MAN1A1: variants seen among roughly 807,000 people sequenced by gnomAD.
MAN1A1 encodes mannosidase alpha class 1A member 1, also known as mannosyl-oligosaccharide 1,2-alpha-mannosidase IA.
In MAN1A1, 29 loss-of-function variants were observed where a neutral mutation model predicts 70.8. The ratio of observed to expected loss-of-function variants is 0.41; its 90% CI spans 0.31 to 0.56. The LOEUF (loss-of-function observed/expected upper bound fraction) is 0.56. Among genes scored for constraint, MAN1A1 ranks in the 20% least tolerant of loss-of-function variants. The probability of loss-of-function intolerance (pLI) is 0.29; values close to 1 mark genes in which losing one functional copy is unlikely to be tolerated. For missense variants in MAN1A1, 747 were observed against 841.3 expected, an observed-to-expected ratio of 0.89 and a Z score of 1.39; for synonymous variants, 349 against 330.1, an observed-to-expected ratio of 1.06 and a Z score of -0.62.
chr6:119,269,439 GGAC>G (rs1775852973), intron 5 of MAN1A1: 2 of 170,438 alleles, frequency 1.2e-5, no homozygotes, highest in African/African-American at 4.8e-5. Context: ...GGGTGGTCAG[GGAC>G]GTCCTGGCCT....
Position 119,179,812 on chromosome 6 carries a change from T to G in MAN1A1, c.*7A>C. On this transcript the variant is annotated 3_prime_UTR_variant, in exon 13 of 13. Coordinates refer to ENST00000368468, the MANE Select transcript of MAN1A1 (RefSeq NM_005907.4). ...GAATGGAGCAGAATAAAATATAAAA[T>G]GTCTTTTTATTCCTCTCTGATTTCA... 1 of 1,609,384 alleles carries G rather than the reference T, an allele frequency of 6.2e-7. No homozygotes were observed. The highest frequency in any genetic ancestry group is 8.5e-7 in the Non-Finnish European group (1 of 1,175,996).
Position 119,260,976 on chromosome 6 carries a change from G to GCTTTTTTTTTTTTTTTTTTTTTTTTTTTT in MAN1A1, c.898-12623_898-12622insAAAAAAAAAAAAAAAAAAAAAAAAAAAAG, listed in dbSNP as rs1554209499. On this transcript the variant is annotated intron_variant, in intron 5 of 12. Coordinates refer to ENST00000368468, the MANE Select transcript of MAN1A1 (RefSeq NM_005907.4). ...TATCTAAATGTCTTGTTTTTTTATT[G>GCTTTTTTTTTTTTTTTTTTTTTTTTTTTT]TTTTTTTTTTTTTTTTTTTTGAGAT... Among the ~76,000 whole-genome samples the GCTTTTTTTTTTTTTTTTTTTTTTTTTTTT allele has an allele frequency of 6.8e-5, 8 of 116,942 alleles. 3 individuals are homozygous for GCTTTTTTTTTTTTTTTTTTTTTTTTTTTT. Among genetic ancestry groups the GCTTTTTTTTTTTTTTTTTTTTTTTTTTTT allele is most frequent in the African/African-American group, 1.3e-4 (4 of 29,830 alleles). The allele number at this position is 116,942 out of a possible 152,430, so 76.7% of individuals were successfully genotyped here.
At chr6:119,280,050 C>T (rs1215376470) in intron 5 of MAN1A1, among the ~76,000 whole-genome samples, 1 of 152,218 alleles carries the variant, frequency 6.6e-6, no homozygotes, top group African/African-American at 2.4e-5. Context: ...CCTCCTACTT[C>T]CCAGACCACG....
intron 5 of MAN1A1, among the ~76,000 whole-genome samples, chr6:119,264,597 T>C (rs1437192201): frequency 1.3e-5 from 2 of 152,168 alleles, no homozygotes; most frequent in Admixed American, 6.5e-5. Flanking sequence ...GGTTGTTGTT[T>C]AGGAGCTTAT....
At chr6:119,180,519 A>ATTTTTTTTTTT in intron 11 of MAN1A1, 92 bp from the exon 12 acceptor site, 1 of 570,724 alleles carries the variant, frequency 1.8e-6, no homozygotes, top group Non-Finnish European at 3.0e-6. Flanking sequence ...CAGATAAAAC[A>ATTTTTTTTTTT]TTTTTTTTTT....
At position 119,250,323 on chromosome 6, in the gene MAN1A1, G is replaced by A. The variant is rs1775282658; in HGVS notation, c.898-1969C>T. 3.9e-5 allele frequency among the ~76,000 whole-genome samples: 6 copies of A among 152,324 alleles called. No homozygotes were observed. The South Asian group carries it at 1.2e-3, about 32-fold the overall frequency. Reference sequence around the variant, plus strand: ...TTGGATATAACCATATGGCACAGTTGAGGGCTTTGAAGCACAATGCCTGTG... The same window carrying A: ...TTGGATATAACCATATGGCACAGTTAAGGGCTTTGAAGCACAATGCCTGTG... On this transcript the variant is annotated intron_variant, in intron 5 of 12. Transcript: ENST00000368468.
chr6:119,323,598 G>A (rs575570430), intron 2 of MAN1A1, among the ~76,000 whole-genome samples: 1 of 152,274 alleles, frequency 6.6e-6, no homozygotes, highest in East Asian at 1.9e-4. Flanking sequence ...CAGAGTGGAA[G>A]GTATGGGAAT....
At chr6:119,221,375 AAT>A (rs1281072068) in intron 6 of MAN1A1, among the ~76,000 whole-genome samples, 1 of 151,986 alleles carries the variant, frequency 6.6e-6, no homozygotes, top group Non-Finnish European at 1.5e-5. Context: ...TATACTGACA[AAT>A]ATGAATAGAT....
At chr6:119,189,920 T>C (rs1773396520) in intron 9 of MAN1A1, 37 bp from the exon 10 acceptor site, 3 of 1,479,094 alleles carry the variant, frequency 2.0e-6, no homozygotes, top group African/African-American at 1.4e-5. Context: ...TTTTGTAATC[T>C]CTTCTCAAAT....
intron 11 of MAN1A1, among the ~76,000 whole-genome samples, chr6:119,186,799 G>A (rs1249925731): frequency 6.6e-6 from 1 of 152,140 alleles, no homozygotes; most frequent in East Asian, 1.9e-4. Context: ...GGGGAAAAAC[G>A]TGCGGCCATG....
intron 5 of MAN1A1, among the ~76,000 whole-genome samples, chr6:119,258,477 T>C (rs922757993): frequency 6.6e-6 from 1 of 152,182 alleles, no homozygotes; most frequent in African/African-American, 2.4e-5. Flanking sequence ...TTATAAGTAA[T>C]CTAGAGATGA....
chr6:119,264,937 C>T (rs1242304506), intron 5 of MAN1A1, among the ~76,000 whole-genome samples: 1 of 152,050 alleles, frequency 6.6e-6, no homozygotes, highest in Non-Finnish European at 1.5e-5. Flanking sequence ...AATGAAAACA[C>T]CTTTCAACAG....
chr6:119,296,948 AAC>A, intron 4 of MAN1A1, among the ~76,000 whole-genome samples: 1 of 152,352 alleles, frequency 6.6e-6, no homozygotes, highest in South Asian at 2.1e-4. Context: ...GGAAAATTTT[AAC>A]ACAGCTTTAG....
chr6:119,306,430 T>G (rs1368984935), intron 3 of MAN1A1, among the ~76,000 whole-genome samples: 1 of 152,160 alleles, frequency 6.6e-6, no homozygotes, highest in Admixed American at 6.6e-5. Flanking sequence ...ATCCTCACTT[T>G]CTCTTCCATG....
At position 119,344,646 on chromosome 6, in the gene MAN1A1, A is replaced by G. The variant is rs368241529; in HGVS notation, c.603+3817T>C. ...TTTCCACCCCAGAACTACCCATAAA[A>G]ATAAACTGGAAAGTTAAGTGTCAAA... On this transcript the variant is annotated intron_variant, in intron 2 of 12. Coordinates refer to ENST00000368468, the MANE Select transcript of MAN1A1 (RefSeq NM_005907.4). 5.3e-5 allele frequency among the ~76,000 whole-genome samples: 8 copies of G among 152,348 alleles called. No homozygotes were observed. In the East Asian group the frequency reaches 1.3e-3, roughly 26 times the overall value.
intron 2 of MAN1A1, among the ~76,000 whole-genome samples, chr6:119,341,922 C>A (rs1773603981): frequency 6.6e-6 from 1 of 152,020 alleles, no homozygotes; most frequent in Non-Finnish European, 1.5e-5. Context: ...TTGAAACCAG[C>A]CCGGGAAATA....
At chr6:119,230,881 T>A (rs184876063) in intron 6 of MAN1A1, among the ~76,000 whole-genome samples, 3 of 152,220 alleles carry the variant, frequency 2.0e-5, no homozygotes, top group African/African-American at 7.2e-5. Flanking sequence ...CTCAACTCCA[T>A]AGTATAGCTT....
chr6:119,271,096 A>ATG (rs1317106749), intron 5 of MAN1A1, among the ~76,000 whole-genome samples: 1 of 152,154 alleles, frequency 6.6e-6, no homozygotes, highest in African/African-American at 2.4e-5. Context: ...CTACCTAAGC[A>ATG]TTGTATGGCA....
At chr6:119,233,782 A>C (rs1774757253) in intron 6 of MAN1A1, among the ~76,000 whole-genome samples, 1 of 152,208 alleles carries the variant, frequency 6.6e-6, no homozygotes, top group African/African-American at 2.4e-5. Flanking sequence ...CACAATAAGA[A>C]GTTGGCAATG....
Sources: allele counts gnomAD v4.1 joint callset (sites outside exome capture counted in the v4.1 genomes callset), GRCh38; gene constraint gnomAD v4.1.1; transcripts MANE v1.5; gene names NCBI Gene and HGNC (gene_info 2026-07-23, HGNC 2026-07-21).